Variants in SOWAHB observed in about 807,000 individuals in gnomAD.
The protein encoded by SOWAHB is ankyrin repeat domain-containing protein SOWAHB.
In SOWAHB, 17 loss-of-function variants were observed where a neutral mutation model predicts 18.3. That is an observed-to-expected ratio of 0.93 (90% CI 0.64 to 1.40). The LOEUF (loss-of-function observed/expected upper bound fraction) is 1.40. Ranked by LOEUF, SOWAHB falls within the 40% of genes most tolerant of loss-of-function variation. SOWAHB has a pLI of 0.00. For missense variants in SOWAHB, 1,126 were observed against 1,033.7 expected, an observed-to-expected ratio of 1.09 and a Z score of -1.22; for synonymous variants, 496 against 448.1, an observed-to-expected ratio of 1.11 and a Z score of -1.35.
Position 76,897,010 on chromosome 4 carries a change from A to G in SOWAHB, c.840T>C (p.Ala280=). 1 of 1,563,582 alleles carries G rather than the reference A, an allele frequency of 6.4e-7. No individual in the cohort carries two copies. ...GCAGCTCCGGCCGGTCTCCGCGGGGAGCGGGGCCGGGCAGGAGAGCAGGCG... is the reference window on the plus strand; with the variant it reads ...GCAGCTCCGGCCGGTCTCCGCGGGGGGCGGGGCCGGGCAGGAGAGCAGGCG... ...ASPPALLPGP[A]PRGDRPELLT... Residue 280 remains alanine (A), a synonymous_variant, in exon 1 of 1, where the codon GCT becomes GCC. Transcript: ENST00000334306. The surrounding 1 kb of genome is among the most constrained non-coding windows in gnomAD (Gnocchi z 6.4).
rs764064287 is a variant in SOWAHB at position 76,896,297 on chromosome 4, C to A, written c.1553G>T (p.Gly518Val). ...SSSDEEYLDEGLLKRSRRPPR... is the reference protein window; with the variant it reads ...SSSDEEYLDEVLLKRSRRPPR... ...TGGGCGCCGACTTCTTTTCAGCAAG[C>A]CCTCATCGAGGTACTCCTCATCAGA... is the stretch of plus-strand genomic sequence containing the variant. The change falls in exon 1 of 1, where the codon GGC becomes GTC. Residue 518 changes from glycine to valine, a missense_variant. By Grantham distance (109) the Gly-to-Val change is moderately radical. Coordinates refer to ENST00000334306, the MANE Select transcript of SOWAHB (RefSeq NM_001029870.3). 5 of 1,609,064 alleles carry A rather than the reference C, an allele frequency of 3.1e-6. No homozygotes were observed. The highest frequency in any genetic ancestry group is 4.2e-6 in the Non-Finnish European group (5 of 1,176,692).
In SOWAHB at chr4:76,895,526, A is replaced by C. The variant is rs1244711047; in HGVS notation, c.2324T>G (p.Leu775Arg). The C allele has an allele frequency of 6.2e-7, 1 of 1,614,076 alleles. No homozygotes were observed. Among genetic ancestry groups the C allele is most frequent in the Admixed American group, 1.7e-5 (1 of 60,018 alleles). Residue 775 changes from leucine to arginine, a missense_variant, in exon 1 of 1, where the codon CTG becomes CGG. Physicochemically the swap from Leu to Arg is moderately radical, Grantham distance 102. Transcript: ENST00000334306. Reference protein sequence around the residue: ...LLKSQHNKWKLANQYEKFHSP... With the variant: ...LLKSQHNKWKRANQYEKFHSP... ...GTGGAATTTCTCATACTGGTTGGCC[A>C]GTTTCCACTTGTTGTGCTGACTTTT...
chr4:76,896,114 G>A lies in SOWAHB; in HGVS notation c.1736C>T (p.Ala579Val), dbSNP rs1719903159. The A allele has an allele frequency of 2.5e-6, 4 of 1,576,990 alleles. No homozygotes were observed. The highest frequency in any genetic ancestry group is 2.6e-6 in the Non-Finnish European group (3 of 1,162,294). Residue 579 changes from alanine (A) to valine (V), a missense_variant, in exon 1 of 1, where the codon GCC becomes GTC. Ala to Val is a moderately conservative substitution (Grantham distance 64). Transcript: ENST00000334306. ...VPSGEGSAAL[A>V]PHRTSEHKSS... Reference sequence around the variant, plus strand: ...TTTGTGCTCAGAAGTTCTGTGGGGGGCCAAGGCTGCAGACCCCTCCCCACT... The same window carrying A: ...TTTGTGCTCAGAAGTTCTGTGGGGGACCAAGGCTGCAGACCCCTCCCCACT...
At position 76,896,645 on chromosome 4, in the gene SOWAHB, C is replaced by T; in HGVS notation, c.1205G>A (p.Ser402Asn). Residue 402 changes from serine (S) to asparagine (N), a missense_variant, in exon 1 of 1, where the codon AGT becomes AAT. Physicochemically the swap from Ser to Asn is conservative, Grantham distance 46. Coordinates refer to ENST00000334306, the MANE Select transcript of SOWAHB (RefSeq NM_001029870.3). ...QDLDDFVDQESDGSEESSSGP... is the reference protein window; with the variant it reads ...QDLDDFVDQENDGSEESSSGP... ...ACTGCTGCTCTCCTCACTGCCATCA[C>T]TCTCCTGGTCCACAAAGTCATCCAG... The T allele has an allele frequency of 6.2e-7, 1 of 1,614,066 alleles. No homozygotes were observed. Among genetic ancestry groups the T allele is most frequent in the Non-Finnish European group, 8.5e-7 (1 of 1,180,042 alleles).
Position 76,897,475 on chromosome 4 carries a change from G to GCGCCGC in SOWAHB, c.369_374dup (p.Arg124_Arg125dup). 1.3e-6 allele frequency: 2 copies of GCGCCGC among 1,487,120 alleles called. No individual in the cohort carries two copies. The highest frequency in any genetic ancestry group is 1.5e-5 in the African/African-American group (1 of 68,404). The allele number at this position is 1,487,120 out of a possible 1,614,324, so 92.1% of individuals were successfully genotyped here. A position where few individuals can be genotyped will look rare whatever the true frequency, so the allele number is the denominator to read the frequency against. On this transcript the variant is annotated inframe_insertion, in exon 1 of 1. Transcript: ENST00000334306. This position sits in a 1 kb window ranked among gnomAD's most constrained non-coding sequence, Gnocchi z 6.4. ...CTGGCTCCTCCTCCGGCTCCTTCTC[G>GCGCCGC]CGCCGCCGCCGCCTGGGCTGCTGCT...
At position 76,894,560 on chromosome 4, in the gene SOWAHB, A is replaced by G. The variant is rs1468968750; in HGVS notation, c.*908T>C. On this transcript the variant is annotated 3_prime_UTR_variant, in exon 1 of 1. Coordinates refer to ENST00000334306, the MANE Select transcript of SOWAHB (RefSeq NM_001029870.3). ...TAACCCTTACTGTTTCCCCAGAGTG[A>G]AATCATTTCTCTCTTTTTATGAGTA... Among the ~76,000 whole-genome samples the G allele has an allele frequency of 6.6e-6, 1 of 152,214 alleles. No homozygotes were observed. The highest frequency in any genetic ancestry group is 2.4e-5 in the African/African-American group (1 of 41,468).
Position 76,896,121 on chromosome 4 carries a change from C to T in SOWAHB, c.1729G>A (p.Ala577Thr). 1 of 1,573,886 alleles carries T rather than the reference C, an allele frequency of 6.4e-7. No homozygotes were observed. The highest frequency in any genetic ancestry group is 1.2e-5 in the South Asian group (1 of 83,230). ...TCAGAAGTTCTGTGGGGGGCCAAGG[C>T]TGCAGACCCCTCCCCACTGGGGACC... ...LWVPSGEGSA[A>T]LAPHRTSEHK... The change falls in exon 1 of 1, where the codon GCC becomes ACC. Residue 577 changes from alanine (A) to threonine (T), a missense_variant. By Grantham distance (58) the Ala-to-Thr change is moderately conservative. Transcript: ENST00000334306.
Sources: gnomAD v4.1 joint callset for allele counts (sites outside exome capture counted in the v4.1 genomes callset) on GRCh38, gnomAD v4.1.1 for gene constraint, Gnocchi (gnomAD v3.1) non-coding constraint, MANE v1.5 for transcripts, NCBI Gene and HGNC (gene_info 2026-07-23, HGNC 2026-07-21) for gene names.